ANKRD34C: variants seen among roughly 807,000 people sequenced by gnomAD.
The protein encoded by ANKRD34C is ankyrin repeat domain 34C.
For synonymous variants in ANKRD34C, 260 were observed against 253.6 expected, an observed-to-expected ratio of 1.03 and a Z score of -0.24; for missense variants, 563 against 653.0, an observed-to-expected ratio of 0.86 and a Z score of 1.50.
intron 1 of ANKRD34C, among the ~76,000 whole-genome samples, chr15:79,289,929 G>A (rs2058655047): frequency 6.6e-6 from 1 of 152,214 alleles, no homozygotes; most frequent in African/African-American, 2.4e-5. Context: ...GTGCATGCAC[G>A]TGTGCAAAAG....
At chr15:79,286,133 C>T (rs1596038438) in intron 1 of ANKRD34C, among the ~76,000 whole-genome samples, 1 of 151,882 alleles carries the variant, frequency 6.6e-6, no homozygotes, top group African/African-American at 2.4e-5. Flanking sequence ...TCCTCTCCAG[C>T]CCCTGTGCCA....
At chr15:79,288,827 T>C (rs1054315220) in intron 1 of ANKRD34C, among the ~76,000 whole-genome samples, 4 of 146,914 alleles carry the variant, frequency 2.7e-5, no homozygotes, top group African/African-American at 1.0e-4. Flanking sequence ...TTTTTTTTTT[T>C]TTTTTTTTTT....
In ANKRD34C at chr15:79,294,362, C is replaced by A. The variant is rs915545734; in HGVS notation, c.1078C>A (p.Pro360Thr). The A allele has an allele frequency of 3.2e-6, 5 of 1,551,562 alleles. No individual in the cohort carries two copies. The highest frequency in any genetic ancestry group is 4.4e-6 in the Non-Finnish European group (5 of 1,146,944). Residue 360 changes from proline (P) to threonine (T), a missense_variant, in exon 2 of 2, where the codon CCA becomes ACA. Pro to Thr is a conservative substitution (Grantham distance 38, BLOSUM62 -1). Transcript: ENST00000421388. ...TGACCAAGAGAAATGTGGTATGGGT[C>A]CATCAGGACCCTCTGCTCTCAAAGA... The part of the protein sequence containing the change: ...PVDQEKCGMG[P>T]SGPSALKEPA...
intron 1 of ANKRD34C, among the ~76,000 whole-genome samples, chr15:79,291,343 GAGA>G (rs1021871317): frequency 1.3e-5 from 2 of 152,102 alleles, no homozygotes; most frequent in African/African-American, 2.4e-5. Context: ...CTGAGGCCAG[GAGA>G]AGAAGGACCC....
chr15:79,283,274 C>T (rs901808171), intron 1 of ANKRD34C, among the ~76,000 whole-genome samples, 46 bp downstream of exon 1: 34 of 152,262 alleles, frequency 2.2e-4, no homozygotes, highest in Admixed American at 2.2e-3. Context: ...GGGTGGGGAC[C>T]TCGAGCTCCC....
chr15:79,291,038 G>T (rs1040225982), intron 1 of ANKRD34C, among the ~76,000 whole-genome samples: 2 of 152,104 alleles, frequency 1.3e-5, no homozygotes, highest in African/African-American at 4.8e-5. Context: ...TCCTCTTTTG[G>T]AGGAAGTGAT....
intron 1 of ANKRD34C, among the ~76,000 whole-genome samples, chr15:79,286,293 G>A (rs545789128): frequency 1.3e-5 from 2 of 152,108 alleles, no homozygotes; most frequent in Admixed American, 1.3e-4. Flanking sequence ...GGCAAACTTT[G>A]CTCTCTTCTC....
chr15:79,288,093 G>A (rs2058649930), intron 1 of ANKRD34C, among the ~76,000 whole-genome samples: 1 of 152,214 alleles, frequency 6.6e-6, no homozygotes, highest in Non-Finnish European at 1.5e-5. Context: ...CCATGGGCAA[G>A]CCACTTCTTC....
chr15:79,287,157 C>G (rs1330003995), intron 1 of ANKRD34C, among the ~76,000 whole-genome samples: 2 of 152,148 alleles, frequency 1.3e-5, no homozygotes, highest in African/African-American at 4.8e-5. Context: ...CTTTGCACTA[C>G]AGTTATGTCA....
At chr15:79,290,495 A>AGGGGCTGGCT (rs901754629) in intron 1 of ANKRD34C, among the ~76,000 whole-genome samples, 2 of 151,868 alleles carry the variant, frequency 1.3e-5, no homozygotes, top group African/African-American at 2.4e-5. Context: ...GCAATCCTCT[A>AGGGGCTGGCT]GGGGCTGGCT....
In ANKRD34C at chr15:79,296,594, T is replaced by G. The variant is rs188583087; in HGVS notation, c.*1702T>G. On this transcript the variant is annotated 3_prime_UTR_variant, in exon 2 of 2. Transcript: ENST00000421388. ...TGCCATATAAACTCTACATATTATA[T>G]AATTTTTCTATAACTACCTTTGCTA... 469 of 167,244 alleles carry G rather than the reference T, an allele frequency of 2.8e-3. No homozygotes were observed. The highest frequency in any genetic ancestry group is 4.9e-3 in the Non-Finnish European group (334 of 68,112). 10.4% of individuals were successfully genotyped at this position (167,244 alleles called of 1,614,324 possible).
chr15:79,293,206 CAT>C, intron 1 of ANKRD34C, 33 bp from the exon 2 acceptor site: 1 of 1,337,148 alleles, frequency 7.5e-7, no homozygotes, highest in Non-Finnish European at 1.0e-6. Flanking sequence ...TGTTATAAAA[CAT>C]ATAACATTTG....
chr15:79,294,805 A>G lies in ANKRD34C; in HGVS notation c.1521A>G (p.Leu507=), dbSNP rs1025071533. The part of the protein sequence containing the change: ...VAPSSPKRVD[L]RSKKKLLRRH... ...CAAGTTCACCAAAGAGAGTTGACTT[A>G]AGAAGTAAAAAGAAGCTCCTCAGAA... The change falls in exon 2 of 2, where the codon TTA becomes TTG. Residue 507 remains leucine (L), a synonymous_variant. Coordinates refer to ENST00000421388, the MANE Select transcript of ANKRD34C (RefSeq NM_001146341.2). 5 of 1,551,596 alleles carry G rather than the reference A, an allele frequency of 3.2e-6. No individual in the cohort carries two copies. Among genetic ancestry groups the G allele is most frequent in the Non-Finnish European group, 4.4e-6 (5 of 1,146,976 alleles).
chr15:79,286,612 G>C (rs575776281), intron 1 of ANKRD34C, among the ~76,000 whole-genome samples: 10 of 152,280 alleles, frequency 6.6e-5, no homozygotes, highest in African/African-American at 2.4e-4. Flanking sequence ...CCACTATTCA[G>C]TTCTAACTTT....
At chr15:79,290,188 CTT>C (rs11382951) in intron 1 of ANKRD34C, among the ~76,000 whole-genome samples, 48 of 108,808 alleles carry the variant, frequency 4.4e-4, no homozygotes, top group Admixed American at 1.4e-3. Context: ...TGACACCCAG[CTT>C]TTTTTTTTTT....
chr15:79,290,812 A>G (rs2058657152), intron 1 of ANKRD34C, among the ~76,000 whole-genome samples: 1 of 152,210 alleles, frequency 6.6e-6, no homozygotes, highest in Non-Finnish European at 1.5e-5. Flanking sequence ...TAGGCATGGA[A>G]TTACTGTGTC....
At chr15:79,284,119 A>G (rs1247153409) in intron 1 of ANKRD34C, among the ~76,000 whole-genome samples, 1 of 152,230 alleles carries the variant, frequency 6.6e-6, no homozygotes, top group Non-Finnish European at 1.5e-5. Context: ...CCCCGTGCTA[A>G]GCCAGTGCAC....
At chr15:79,291,098 C>G (rs1455399796) in intron 1 of ANKRD34C, among the ~76,000 whole-genome samples, 1 of 152,138 alleles carries the variant, frequency 6.6e-6, no homozygotes, top group Non-Finnish European at 1.5e-5. Context: ...TAATTTCACT[C>G]AACCCTCCCT....
Position 79,294,523 on chromosome 15 carries a change from G to C in ANKRD34C, c.1239G>C (p.Leu413Phe), listed in dbSNP as rs55824566. 1 of 1,551,636 alleles carries C rather than the reference G, an allele frequency of 6.4e-7. No individual in the cohort carries two copies. Among genetic ancestry groups the C allele is most frequent in the Non-Finnish European group, 8.7e-7 (1 of 1,146,988 alleles). The change falls in exon 2 of 2, where the codon TTG becomes TTC. Residue 413 changes from leucine (L) to phenylalanine (F), a missense_variant. By Grantham distance (22) the Leu-to-Phe change is conservative (BLOSUM62 0). Transcript: ENST00000421388. ...GAAAGAAGCTCAACAGCTCTCACTT[G>C]TCTCTTTTCCATGGCTCTCGGGAGT... ...LDRKKLNSSH[L>F]SLFHGSRESL... is the part of the protein sequence containing the mutation.
Sources: gnomAD v4.1 joint callset for allele counts (sites outside exome capture counted in the v4.1 genomes callset) on GRCh38, gnomAD v4.1.1 for gene constraint, MANE v1.5 for transcripts, NCBI Gene and HGNC (gene_info 2026-07-23, HGNC 2026-07-21) for gene names.